KBTBD8: variants seen among roughly 807,000 people sequenced by gnomAD.
The protein encoded by KBTBD8 is kelch repeat and BTB domain-containing protein 8.
A neutral mutation model predicts 53.5 loss-of-function variants in KBTBD8; 31 were observed. That is an observed-to-expected ratio of 0.58 (90% CI 0.44 to 0.78). The LOEUF (loss-of-function observed/expected upper bound fraction) is 0.78. Ranked by LOEUF, KBTBD8 falls within the 30% of genes least tolerant of loss-of-function variation. KBTBD8 has a pLI of 0.00. For synonymous variants in KBTBD8, 250 were observed against 247.3 expected (o/e 1.01, Z -0.10); for missense variants, 642 against 735.8 (o/e 0.87, Z 1.48).
intron 3 of KBTBD8, among the ~76,000 whole-genome samples, chr3:67,006,748 T>G (rs1022536378): frequency 4.6e-5 from 7 of 152,232 alleles, no homozygotes; most frequent in African/African-American, 1.4e-4. Flanking sequence ...ATTTCTAATC[T>G]AAACAAAGCC....
intron 1 of KBTBD8, 45 bp downstream of exon 1, chr3:66,998,416 G>C (rs1701981711): frequency 2.0e-6 from 2 of 1,013,360 alleles, no homozygotes; most frequent in Admixed American, 4.3e-5. Context: ...AGGTGAGGGG[G>C]AAGGTGGGCC....
Position 67,002,646 on chromosome 3 carries a change from G to A in KBTBD8, c.228-549G>A, listed in dbSNP as rs147633200. ...GCCTCCTGAGTAGCTGGGATTACAG[G>A]GATGTGCCACCACGCCCAGCTAATT... On this transcript the variant is annotated intron_variant, in intron 2 of 3. Transcript: ENST00000417314. Among the ~76,000 whole-genome samples the A allele has an allele frequency of 1.2e-3, 176 of 151,308 alleles. 1 individual carries two copies. Among genetic ancestry groups the A allele is most frequent in the African/African-American group, 4.1e-3 (169 of 41,194 alleles).
chr3:67,006,871 AT>A (rs1467357717), intron 3 of KBTBD8, among the ~76,000 whole-genome samples: 1 of 152,234 alleles, frequency 6.6e-6, no homozygotes, highest in African/African-American at 2.4e-5. Flanking sequence ...TATTACAAAG[AT>A]TTTAAACAAA....
chr3:67,005,402 A>C (rs942251293), intron 3 of KBTBD8, among the ~76,000 whole-genome samples: 8 of 152,180 alleles, frequency 5.3e-5, no homozygotes, highest in East Asian at 1.9e-4. Context: ...GTTTAGATAC[A>C]AAAATGCTTC....
At chr3:67,002,186 G>A (rs9832707) in intron 2 of KBTBD8, among the ~76,000 whole-genome samples, 33,132 of 152,062 alleles carry the variant, frequency 0.22, 3,729 homozygotes, top group African/African-American at 0.25. Context: ...CTTTATTTAT[G>A]TCTAGATTTA....
In KBTBD8 at chr3:67,008,663, G is replaced by A. The variant is rs1327479037; in HGVS notation, c.*278G>A. The A allele has an allele frequency of 2.7e-6, 1 of 367,724 alleles. No homozygotes were observed. The highest frequency in any genetic ancestry group is 4.7e-5 in the East Asian group (1 of 21,380). The allele number at this position is 367,724 out of a possible 1,614,324, so 22.8% of individuals were successfully genotyped here. ...AATTTTGTGATAAATAGTAACTGAG[G>A]TACCAGATGAATCAGGACAACTATG... On this transcript the variant is annotated 3_prime_UTR_variant, in exon 4 of 4. Coordinates refer to ENST00000417314, the MANE Select transcript of KBTBD8 (RefSeq NM_032505.3).
In KBTBD8 at chr3:66,998,355, A is replaced by ACACT; in HGVS notation, c.-1_1insCACT. On this transcript the variant is annotated 5_prime_UTR_variant, in exon 1 of 4. Coordinates refer to ENST00000417314, the MANE Select transcript of KBTBD8 (RefSeq NM_032505.3). ...AGCTGGAGTCGGGGCCCCATCGAGA[A>ACACT]ATGGCCGCGTCGGCAGGTGGGTCGT... 1 of 1,294,072 alleles carries ACACT rather than the reference A, an allele frequency of 7.7e-7. No homozygotes were observed. The highest frequency in any genetic ancestry group is 9.9e-7 in the Non-Finnish European group (1 of 1,012,242). 80.2% of individuals were successfully genotyped at this position (1,294,072 alleles called of 1,614,324 possible). A position where few individuals can be genotyped will look rare whatever the true frequency, so the allele number is the denominator to read the frequency against.
chr3:67,001,518 A>G (rs1702018774), intron 2 of KBTBD8, among the ~76,000 whole-genome samples: 1 of 152,194 alleles, frequency 6.6e-6, no homozygotes, highest in African/African-American at 2.4e-5. Context: ...AGATGAGCCT[A>G]TTCAAGTCAG....
chr3:67,004,511 A>G (rs1361083235), intron 3 of KBTBD8, among the ~76,000 whole-genome samples: 2 of 152,260 alleles, frequency 1.3e-5, no homozygotes, highest in Non-Finnish European at 2.9e-5. Context: ...TTGTTAAATT[A>G]CTAAAATAAT....
chr3:67,003,760 T>C lies in KBTBD8; in HGVS notation c.793T>C (p.Cys265Arg), dbSNP rs1404446791. The change falls in exon 3 of 4, where the codon TGT becomes CGT. Residue 265 changes from cysteine to arginine, a missense_variant. By Grantham distance (180) the Cys-to-Arg change is radical. Transcript: ENST00000417314. ...GTTTGCACAGGCTATAGCCAAAAGC[T>C]GTGTAGAAAAGGGACCATCCAACAC... ...PQFAQAIAKSCVEKGPSNTNG... is the reference protein window; with the variant it reads ...PQFAQAIAKSRVEKGPSNTNG... 6.2e-7 allele frequency: 1 copy of C among 1,614,126 alleles called. No homozygotes were observed. The highest frequency in any genetic ancestry group is 2.2e-5 in the East Asian group (1 of 44,876).
intron 1 of KBTBD8, 105 bp downstream of exon 1, chr3:66,998,476 G>C (rs548659139): frequency 8.7e-6 from 8 of 923,542 alleles, no homozygotes; most frequent in Non-Finnish European, 1.2e-5. Context: ...CGGAGCTAGA[G>C]GGAAGGATGA....
At chr3:66,998,429 G>C in intron 1 of KBTBD8, 58 bp downstream of exon 1, 1 of 1,215,072 alleles carries the variant, frequency 8.2e-7, no homozygotes, top group Non-Finnish European at 1.1e-6. Context: ...GGTGGGCCGG[G>C]GCCGGCCACA....
chr3:67,005,007 G>A (rs76601727), intron 3 of KBTBD8, among the ~76,000 whole-genome samples: 7 of 151,798 alleles, frequency 4.6e-5, no homozygotes, highest in Non-Finnish European at 1.0e-4. Context: ...GTTTTGTTTT[G>A]TTTTCTGTTT....
At chr3:67,000,411 A>G (rs1228449197) in intron 2 of KBTBD8, among the ~76,000 whole-genome samples, 1 of 152,228 alleles carries the variant, frequency 6.6e-6, no homozygotes, top group African/African-American at 2.4e-5. Context: ...TTGTATGTTT[A>G]AATATATGTC....
chr3:66,998,666 C>T (rs543281762), intron 1 of KBTBD8, among the ~76,000 whole-genome samples: 3 of 152,140 alleles, frequency 2.0e-5, no homozygotes, highest in South Asian at 2.1e-4. Flanking sequence ...GAGGCTCTGC[C>T]CTCGGCTCTC....
At chr3:67,002,512 C>CTTT (rs57174511) in intron 2 of KBTBD8, among the ~76,000 whole-genome samples, 17,132 of 90,334 alleles carry the variant, frequency 0.19, 2,715 homozygotes, top group Non-Finnish European at 0.21. Flanking sequence ...TATAGGTATT[C>CTTT]TTTTTTTTTT....
At chr3:67,000,670 G>A (rs1702009046) in intron 2 of KBTBD8, among the ~76,000 whole-genome samples, 1 of 152,072 alleles carries the variant, frequency 6.6e-6, no homozygotes. Flanking sequence ...AGTTGGTACA[G>A]TTTCCTTTAA....
In KBTBD8 at chr3:67,010,677, A is replaced by C. The variant is rs2106765541; in HGVS notation, c.*2292A>C. On this transcript the variant is annotated 3_prime_UTR_variant, in exon 4 of 4. Coordinates refer to ENST00000417314, the MANE Select transcript of KBTBD8 (RefSeq NM_032505.3). ...ATGGATTCAGAAGAGGTCCTAGAAA[A>C]GTAAGATTAGTGACATGTGTGGGTT... 6.5e-6 allele frequency: 1 copy of C among 152,722 alleles called. No homozygotes were observed. Among genetic ancestry groups the C allele is most frequent in the East Asian group, 1.9e-4 (1 of 5,186 alleles). The allele number at this position is 152,722 out of a possible 1,614,324, so 9.5% of individuals were successfully genotyped here.
At chr3:66,999,779 T>G (rs2364281) in intron 2 of KBTBD8, among the ~76,000 whole-genome samples, 61,311 of 152,098 alleles carry the variant, frequency 0.4, 14,926 homozygotes, top group East Asian at 0.87. Flanking sequence ...ATAGATTGTT[T>G]AAATGCTATG....
Sources: allele counts gnomAD v4.1 joint callset (sites outside exome capture counted in the v4.1 genomes callset), GRCh38; gene constraint gnomAD v4.1.1; transcripts MANE v1.5; gene names NCBI Gene and HGNC (gene_info 2026-07-23, HGNC 2026-07-21).